The following TAPBPL variants were observed in gnomAD, a reference collection of about 807,000 sequenced individuals.
TAPBPL encodes TAP binding protein like, also known as tapasin-related protein.
TAPBPL carries 32 observed loss-of-function variants against 44.8 expected under a neutral mutation model. That is an observed-to-expected ratio of 0.71 (90% confidence interval 0.54 to 0.96). The LOEUF is 0.96. Ranked by LOEUF, TAPBPL falls within the 40% of genes least tolerant of loss-of-function variation. The pLI is 0.00. For synonymous variants in TAPBPL, 230 were observed against 240.7 expected (o/e 0.96, Z 0.41); for missense variants, 520 against 586.6 (o/e 0.89, Z 1.17).
chr12:6,463,455 G>C, downstream of TAPBPL: 1 of 1,040,282 alleles, frequency 9.6e-7, no homozygotes, highest in Non-Finnish European at 1.2e-6. This position sits in a 1 kb window ranked among gnomAD's most constrained non-coding sequence, Gnocchi z 4.0. Flanking sequence ...GATTCCATGG[G>C]TGTCCAAAGA....
intron 6 of TAPBPL, 40 bp from the exon 7 acceptor site, chr12:6,461,994 G>T (rs762227755): frequency 5.1e-6 from 8 of 1,557,728 alleles, no homozygotes; most frequent in Non-Finnish European, 6.2e-6. Flanking sequence ...GCCAGTGTGA[G>T]ATGCCCACGC....
chr12:6,461,504 A>G, intron 6 of TAPBPL: 1 of 969,374 alleles, frequency 1.0e-6, no homozygotes, highest in East Asian at 1.1e-4. Context: ...AGCTCTGTCA[A>G]AATAAAAGGC....
downstream of TAPBPL, among the ~76,000 whole-genome samples, chr12:6,468,809 C>T (rs950561675): frequency 2.6e-5 from 4 of 152,148 alleles, no homozygotes; most frequent in African/African-American, 7.2e-5. Flanking sequence ...GAGATGTTCT[C>T]GGCCAAGGAA....
chr12:6,457,768 C>G (rs1332094794), intron 4 of TAPBPL, 24 bp downstream of exon 4: 1 of 1,539,570 alleles, frequency 6.5e-7, no homozygotes, highest in Non-Finnish European at 8.8e-7. Flanking sequence ...ATGGTTATCC[C>G]AGGGAAGGGG....
At chr12:6,470,577 G>A (rs752338594), downstream of TAPBPL, 2 of 1,613,418 alleles carry the variant, frequency 1.2e-6, no homozygotes, top group Non-Finnish European at 8.5e-7. Context: ...CGGAGGCTGC[G>A]GCGAGACACC....
Position 6,453,783 on chromosome 12 carries a change from C to A in TAPBPL, c.565+67C>A, listed in dbSNP as rs1014922857. 13 of 1,474,236 alleles carry A rather than the reference C, an allele frequency of 8.8e-6. No individual in the cohort carries two copies. Among genetic ancestry groups the A allele is most frequent in the Non-Finnish European group, 1.2e-5 (13 of 1,117,082 alleles). The allele number at this position is 1,474,236 out of a possible 1,614,324, so 91.3% of individuals were successfully genotyped here. A position where few individuals can be genotyped will look rare whatever the true frequency, so the allele number is the denominator to read the frequency against. Reference sequence around the variant, plus strand: ...CTGTAATTCCAGAATTTTGGGATACCGAGGTCGGTGGATCACCTGAGGTCA... The same window carrying A: ...CTGTAATTCCAGAATTTTGGGATACAGAGGTCGGTGGATCACCTGAGGTCA... On this transcript the variant is annotated intron_variant, in intron 3 of 6. Coordinates refer to ENST00000266556, the MANE Select transcript of TAPBPL (RefSeq NM_018009.5). The surrounding 1 kb of genome is among the most constrained non-coding windows in gnomAD (Gnocchi z 4.8).
chr12:6,468,181 T>C (rs1945677559), downstream of TAPBPL, among the ~76,000 whole-genome samples: 1 of 152,164 alleles, frequency 6.6e-6, no homozygotes, highest in African/African-American at 2.4e-5. Context: ...ACCGTGCGCC[T>C]GGAAAAGCCA....
At chr12:6,464,822 G>A, downstream of TAPBPL, 5 of 1,609,508 alleles carry the variant, frequency 3.1e-6, no homozygotes, top group Non-Finnish European at 4.2e-6. Flanking sequence ...AGGCAGGCAG[G>A]CAGGCAGGGA....
downstream of TAPBPL, chr12:6,470,862 GT>G: frequency 1.3e-5 from 6 of 466,092 alleles, no homozygotes; most frequent in South Asian, 1.6e-4. Context: ...AGCGGTTGCT[GT>G]GAGGATCCTT....
intron 3 of TAPBPL, among the ~76,000 whole-genome samples, chr12:6,455,783 A>G (rs79282631): frequency 2.2e-5 from 1 of 44,968 alleles, no homozygotes; most frequent in Non-Finnish European, 5.4e-5. Flanking sequence ...TTTTTTTTTT[A>G]ACAGTCTCAT....
chr12:6,463,348 C>T, downstream of TAPBPL: 3 of 1,141,578 alleles, frequency 2.6e-6, no homozygotes, highest in Non-Finnish European at 2.2e-6. This position sits in a 1 kb window ranked among gnomAD's most constrained non-coding sequence, Gnocchi z 4.0. Context: ...GGTGGGTCTA[C>T]ATGACTTCTC....
chr12:6,462,213 C>A lies in TAPBPL; in HGVS notation c.*64C>A. On this transcript the variant is annotated 3_prime_UTR_variant, in exon 7 of 7. Coordinates refer to ENST00000266556, the MANE Select transcript of TAPBPL (RefSeq NM_018009.5). The stretch of plus-strand genomic sequence containing the variant: ...CTTCCCCAAGCCCCCACAGCTACTC[C>A]AACCCAAACAACAACCAAGCCAGTT... 1 of 1,381,620 alleles carries A rather than the reference C, an allele frequency of 7.2e-7. No individual in the cohort carries two copies. Among genetic ancestry groups the A allele is most frequent in the Non-Finnish European group, 9.9e-7 (1 of 1,008,758 alleles). 85.6% of individuals were successfully genotyped at this position (1,381,620 alleles called of 1,614,324 possible).
chr12:6,453,789 C>G lies in TAPBPL; in HGVS notation c.565+73C>G, dbSNP rs1391546404. The stretch of plus-strand genomic sequence containing the variant: ...TTCCAGAATTTTGGGATACCGAGGT[C>G]GGTGGATCACCTGAGGTCAGGAGTT... On this transcript the variant is annotated intron_variant, in intron 3 of 6. Transcript: ENST00000266556. This position sits in a 1 kb window ranked among gnomAD's most constrained non-coding sequence, Gnocchi z 4.8. 1.2e-5 allele frequency: 18 copies of G among 1,462,806 alleles called. No individual in the cohort carries two copies. The South Asian group carries it at 2.5e-4, about 21-fold the overall frequency. The allele number at this position is 1,462,806 out of a possible 1,614,324, so 90.6% of individuals were successfully genotyped here.
chr12:6,463,912 G>A (rs1334639269), downstream of TAPBPL: 3 of 1,287,140 alleles, frequency 2.3e-6, no homozygotes, highest in African/African-American at 4.6e-5. This position sits in a 1 kb window ranked among gnomAD's most constrained non-coding sequence, Gnocchi z 4.0. Context: ...CAAAAAACAA[G>A]TTTTTACTTT....
chr12:6,459,620 A>G (rs1455181449), intron 5 of TAPBPL, among the ~76,000 whole-genome samples: 6 of 152,212 alleles, frequency 3.9e-5, no homozygotes. Flanking sequence ...GAGAATGTGA[A>G]AAACAGGCAA....
In TAPBPL at chr12:6,452,733, C is replaced by T. The variant is rs912586496; in HGVS notation, c.65-334C>T. ...CCAGCAACAGTAACTGTCCAGTCTC[C>T]TCTCTCTGCGGTGGCACTTGCTTGT... On this transcript the variant is annotated intron_variant, in intron 1 of 6. Transcript: ENST00000266556. 6.1e-6 allele frequency: 4 copies of T among 653,994 alleles called. No individual in the cohort carries two copies. In the African/African-American group the frequency reaches 7.3e-5, roughly 12 times the overall value. The allele number at this position is 653,994 out of a possible 1,614,324, so 40.5% of individuals were successfully genotyped here.
downstream of TAPBPL, chr12:6,464,561 A>C (rs1949956108): frequency 6.8e-6 from 10 of 1,464,258 alleles, no homozygotes; most frequent in Middle Eastern, 9.4e-4. Context: ...GAATTACACC[A>C]AGTTACCAGA....
rs768700135 is a variant in TAPBPL, at chr12:6,458,975, C to G, written c.1207+28C>G. 1.0e-4 allele frequency: 165 copies of G among 1,604,340 alleles called. 1 individual carries two copies. The South Asian group carries it at 1.7e-3, about 16-fold the overall frequency. On this transcript the variant is annotated intron_variant, in intron 5 of 6. Transcript: ENST00000266556. ...ACTGGGAGTGTCCTCCTTTTCCCCA[C>G]CTCCACACTAGGGCTCATGGCTCTC...
At chr12:6,454,201 GC>G (rs1249729084) in intron 3 of TAPBPL, among the ~76,000 whole-genome samples, 2 of 152,060 alleles carry the variant, frequency 1.3e-5, no homozygotes, top group Non-Finnish European at 2.9e-5. Flanking sequence ...AGGTGCGAAG[GC>G]CCATGCCTGT....
Sources: gnomAD v4.1 joint callset for allele counts (sites outside exome capture counted in the v4.1 genomes callset) on GRCh38, gnomAD v4.1.1 for gene constraint, Gnocchi (gnomAD v3.1) non-coding constraint, MANE v1.5 for transcripts, NCBI Gene and HGNC (gene_info 2026-07-23, HGNC 2026-07-21) for gene names.